The following UNC13C variants were observed in gnomAD, a reference collection of about 807,000 sequenced individuals.
UNC13C encodes the protein protein unc-13 homolog C.
UNC13C carries 174 observed loss-of-function variants against 245.4 expected under a neutral mutation model. That is an observed-to-expected ratio of 0.71 (90% CI 0.63 to 0.80). The LOEUF is 0.80. Among genes scored for constraint, UNC13C ranks in the 30% least tolerant of loss-of-function variants. The probability of loss-of-function intolerance (pLI) is 0.00; values close to 1 mark genes in which losing one functional copy is unlikely to be tolerated. For synonymous variants in UNC13C, 992 were observed against 895.1 expected (o/e 1.11, Z -1.93); for missense variants, 2,829 against 2,602.9 (o/e 1.09, Z -1.89).
chr15:54,392,640 C>T (rs908790134), intron 17 of UNC13C, among the ~76,000 whole-genome samples: 24 of 151,846 alleles, frequency 1.6e-4, no homozygotes, highest in East Asian at 1.9e-4. Flanking sequence ...CATACACACA[C>T]GCACACACAA....
At chr15:54,444,670 C>T (rs898683886) in intron 19 of UNC13C, among the ~76,000 whole-genome samples, 2 of 151,700 alleles carry the variant, frequency 1.3e-5, no homozygotes, top group Admixed American at 1.3e-4. Flanking sequence ...ACATTTACGT[C>T]CTTTCTCTTC....
At chr15:54,409,931 G>A (rs541385055) in intron 18 of UNC13C, among the ~76,000 whole-genome samples, 3 of 152,250 alleles carry the variant, frequency 2.0e-5, no homozygotes, top group East Asian at 3.9e-4. Flanking sequence ...TGTATTTTAC[G>A]TTCTTTGAGA....
intron 17 of UNC13C, among the ~76,000 whole-genome samples, chr15:54,365,610 G>A (rs570229254): frequency 1.1e-4 from 17 of 152,152 alleles, no homozygotes; most frequent in Non-Finnish European, 2.1e-4. Context: ...TGGCATATAA[G>A]ACCATGTTGA....
chr15:54,158,478 C>T (rs1012433304), intron 4 of UNC13C, among the ~76,000 whole-genome samples: 2 of 151,938 alleles, frequency 1.3e-5, no homozygotes, highest in East Asian at 3.9e-4. Flanking sequence ...CGCCACCATG[C>T]CCAGCTAATT....
intron 11 of UNC13C, among the ~76,000 whole-genome samples, chr15:54,295,188 G>A (rs1323024359): frequency 6.6e-6 from 1 of 152,032 alleles, no homozygotes; most frequent in Non-Finnish European, 1.5e-5. Flanking sequence ...CTAACTGAGG[G>A]TAAATTTCAG....
the UNC13C span, among the ~76,000 whole-genome samples, chr15:53,915,210 T>C: frequency 6.6e-6 from 1 of 152,208 alleles, no homozygotes; most frequent in East Asian, 1.9e-4. Context: ...AGGTCCACTT[T>C]TTGTTTTTCT....
chr15:54,263,057 CTAAA>C (rs1461586506), intron 8 of UNC13C, among the ~76,000 whole-genome samples: 3 of 152,008 alleles, frequency 2.0e-5, no homozygotes, highest in African/African-American at 7.3e-5. Context: ...CATTTAATCT[CTAAA>C]TAGTTTATGA....
At chr15:54,079,798 T>C (rs2141115409) in intron 2 of UNC13C, among the ~76,000 whole-genome samples, 1 of 152,180 alleles carries the variant, frequency 6.6e-6, no homozygotes, top group Admixed American at 6.5e-5. Context: ...AGATGCTTTT[T>C]CTTTCTTTCT....
chr15:54,319,997 A>G (rs1368642266), intron 13 of UNC13C, among the ~76,000 whole-genome samples: 2 of 151,984 alleles, frequency 1.3e-5, no homozygotes, highest in African/African-American at 2.4e-5. Context: ...GCATTATTCA[A>G]TCTGTTCTCA....
intron 2 of UNC13C, among the ~76,000 whole-genome samples, chr15:54,072,460 G>A (rs993037981): frequency 6.6e-6 from 1 of 152,142 alleles, no homozygotes; most frequent in African/African-American, 2.4e-5. Context: ...CTTCTTCAAT[G>A]GAGCCAATAG....
the UNC13C span, among the ~76,000 whole-genome samples, chr15:53,896,420 G>C: frequency 6.6e-6 from 1 of 152,068 alleles, no homozygotes; most frequent in East Asian, 1.9e-4. Context: ...CTGAGCTTGT[G>C]TATTTGTTTA....
At chr15:54,389,392 C>A (rs1434994011) in intron 17 of UNC13C, among the ~76,000 whole-genome samples, 1 of 152,186 alleles carries the variant, frequency 6.6e-6, no homozygotes, top group African/African-American at 2.4e-5. Context: ...AACCATGGGT[C>A]CCAGGACCTA....
At chr15:54,520,910 A>G (rs1895189669) in intron 24 of UNC13C, among the ~76,000 whole-genome samples, 1 of 152,116 alleles carries the variant, frequency 6.6e-6, no homozygotes, top group Non-Finnish European at 1.5e-5. Context: ...AAGGAAGGAT[A>G]TTGGCTAGAT....
chr15:54,215,202 A>G (rs2035004168), intron 4 of UNC13C, among the ~76,000 whole-genome samples: 1 of 151,920 alleles, frequency 6.6e-6, no homozygotes, highest in African/African-American at 2.4e-5. Flanking sequence ...AATCCCTGAC[A>G]CTGACATTGT....
chr15:54,481,716 G>T (rs117795812), intron 19 of UNC13C, among the ~76,000 whole-genome samples: 3,099 of 152,180 alleles, frequency 0.02, 34 homozygotes, highest in Non-Finnish European at 0.028. Context: ...CAGTGGTGGT[G>T]GGCAGGACAC....
intron 30 of UNC13C, among the ~76,000 whole-genome samples, chr15:54,576,896 G>A (rs1566919369): frequency 6.6e-6 from 1 of 152,208 alleles, no homozygotes; most frequent in Non-Finnish European, 1.5e-5. Context: ...ATGCAAAGCA[G>A]GTGCTTAGTG....
chr15:54,533,132 A>G (rs1895837027), intron 26 of UNC13C, 66 bp downstream of exon 26: 2 of 1,285,140 alleles, frequency 1.6e-6, no homozygotes, highest in East Asian at 5.0e-5. Flanking sequence ...GGCTTTAAGA[A>G]AAACATTGTT....
At chr15:53,893,297 C>G in the UNC13C span, among the ~76,000 whole-genome samples, 1 of 152,306 alleles carries the variant, frequency 6.6e-6, no homozygotes, top group South Asian at 2.1e-4. Flanking sequence ...TCAGCCCCTA[C>G]TGGGAGTTAT....
chr15:54,364,296 AC>A (rs10582819), intron 17 of UNC13C, among the ~76,000 whole-genome samples: 63,615 of 151,864 alleles, frequency 0.42, 13,970 homozygotes, highest in Middle Eastern at 0.5. Context: ...CCAAAAAATG[AC>A]CCCCCCCCAA....
Sources: allele counts gnomAD v4.1 joint callset (sites outside exome capture counted in the v4.1 genomes callset), GRCh38; gene constraint gnomAD v4.1.1; transcripts MANE v1.5; gene names NCBI Gene and HGNC (gene_info 2026-07-23, HGNC 2026-07-21).